The following NOS1AP variants were observed in gnomAD, a reference collection of about 807,000 sequenced individuals.
The protein encoded by NOS1AP is nitric oxide synthase 1 adaptor protein, also known as carboxyl-terminal PDZ ligand of neuronal nitric oxide synthase protein.
Under a neutral mutation model 56.2 loss-of-function variants are expected in NOS1AP, and 21 were observed. The observed-to-expected ratio is 0.37, with a 90% CI of 0.26 to 0.54. The LOEUF (loss-of-function observed/expected upper bound fraction) is 0.54, where lower values mean the gene tolerates loss of function less well. NOS1AP is among the 20% of genes least tolerant of loss of function. NOS1AP has a pLI of 0.84. For synonymous variants in NOS1AP, 270 were observed against 274.6 expected, an observed-to-expected ratio of 0.98 and a Z score of 0.17; for missense variants, 522 against 657.8, an observed-to-expected ratio of 0.79 and a Z score of 2.26.
chr1:162,120,462 A>C (rs1648166034), intron 1 of NOS1AP, among the ~76,000 whole-genome samples: 1 of 152,240 alleles, frequency 6.6e-6, no homozygotes, highest in Non-Finnish European at 1.5e-5. Flanking sequence ...TCTGCTGATA[A>C]AGACATGCCT....
At position 162,365,584 on chromosome 1, in the gene NOS1AP, T is replaced by G. The variant is rs1557895497; in HGVS notation, c.1105+15T>G. Reference sequence around the variant, plus strand: ...ACAGAACGCCAGTAAGCCAGTGCCCTGCCCAGCCCTGCTTCCTCTGTGAAG... The same window carrying G: ...ACAGAACGCCAGTAAGCCAGTGCCCGGCCCAGCCCTGCTTCCTCTGTGAAG... On this transcript the variant is annotated intron_variant, in intron 9 of 9. Coordinates refer to ENST00000361897, the MANE Select transcript of NOS1AP (RefSeq NM_014697.3). 6.2e-7 allele frequency: 1 copy of G among 1,607,208 alleles called. No individual in the cohort carries two copies. Among genetic ancestry groups the G allele is most frequent in the Non-Finnish European group, 8.5e-7 (1 of 1,179,974 alleles).
At chr1:162,289,211 T>C (rs868045306) in intron 3 of NOS1AP, among the ~76,000 whole-genome samples, 453 of 17,702 alleles carry the variant, frequency 0.026, 8 homozygotes, top group Non-Finnish European at 0.04. Context: ...TTCCTTCCTT[T>C]CCTTCCTTCC....
chr1:162,183,621 G>A (rs998688222), intron 2 of NOS1AP, among the ~76,000 whole-genome samples: 5 of 152,200 alleles, frequency 3.3e-5, no homozygotes, highest in African/African-American at 1.2e-4. Context: ...TGCAGCTTCT[G>A]AATCAGCACT....
At chr1:162,133,311 G>C (rs1241940325) in intron 1 of NOS1AP, among the ~76,000 whole-genome samples, 1 of 152,158 alleles carries the variant, frequency 6.6e-6, no homozygotes, top group African/African-American at 2.4e-5. Flanking sequence ...CTTAACAAAT[G>C]TTTTGTCATA....
chr1:162,122,399 A>C (rs761519052), intron 1 of NOS1AP, among the ~76,000 whole-genome samples: 1 of 152,252 alleles, frequency 6.6e-6, no homozygotes, highest in Non-Finnish European at 1.5e-5. Context: ...AACCAAGGTC[A>C]CATTGTGCTA....
chr1:162,273,763 A>G (rs558934473), intron 2 of NOS1AP, among the ~76,000 whole-genome samples: 2 of 152,330 alleles, frequency 1.3e-5, no homozygotes, highest in Admixed American at 6.5e-5. Context: ...CTTCACCCCA[A>G]TCAAGGTAGA....
At chr1:162,261,506 G>GAAGGC (rs770447420) in intron 2 of NOS1AP, among the ~76,000 whole-genome samples, 1 of 18,614 alleles carries the variant, frequency 5.4e-5, no homozygotes, top group Admixed American at 3.9e-4. Context: ...GAGAGAGAGA[G>GAAGGC]AGAGAGAGAG....
rs141010427 is a variant in NOS1AP, at chr1:162,179,845, G to A, written c.177+25369G>A. ...TCCTGCTGGTAGTAGTGACCTATTG[G>A]TAGATTTTTAGCAGAGAATAAATAT... On this transcript the variant is annotated intron_variant, in intron 2 of 9. Coordinates refer to ENST00000361897, the MANE Select transcript of NOS1AP (RefSeq NM_014697.3). Among the ~76,000 whole-genome samples, 337 of 152,278 alleles carry A rather than the reference G, an allele frequency of 2.2e-3. 3 individuals carry two copies. The highest frequency in any genetic ancestry group is 7.6e-3 in the African/African-American group (315 of 41,548).
At chr1:162,115,203 G>A (rs1168279314) in intron 1 of NOS1AP, among the ~76,000 whole-genome samples, 1 of 152,188 alleles carries the variant, frequency 6.6e-6, no homozygotes, top group African/African-American at 2.4e-5. Flanking sequence ...GTGGTAGAGG[G>A]AGAGGAAGGA....
intron 2 of NOS1AP, among the ~76,000 whole-genome samples, chr1:162,269,476 CAGTACT>C (rs1167711166): frequency 6.6e-6 from 1 of 152,060 alleles, no homozygotes; most frequent in African/African-American, 2.4e-5. Context: ...TTTTAAAAAC[CAGTACT>C]TATTTTTGAA....
chr1:162,190,409 C>T (rs561051911), intron 2 of NOS1AP, among the ~76,000 whole-genome samples: 12 of 152,108 alleles, frequency 7.9e-5, no homozygotes, highest in African/African-American at 2.2e-4. Context: ...GGTACATGTG[C>T]ACAATGTGCA....
intron 1 of NOS1AP, among the ~76,000 whole-genome samples, chr1:162,125,709 T>C (rs1648461478): frequency 6.6e-6 from 1 of 152,144 alleles, no homozygotes; most frequent in South Asian, 2.1e-4. Flanking sequence ...ATAATGTGAT[T>C]CCTCCAGATT....
chr1:162,085,063 G>C (rs2102017986), intron 1 of NOS1AP, among the ~76,000 whole-genome samples: 1 of 152,238 alleles, frequency 6.6e-6, no homozygotes, highest in Non-Finnish European at 1.5e-5. Context: ...TTTGGTTAGA[G>C]AGAACAGGCT....
chr1:162,295,286 C>A lies in NOS1AP; in HGVS notation c.271-5347C>A, dbSNP rs142342999. Among the ~76,000 whole-genome samples the A allele has an allele frequency of 5.9e-5, 9 of 152,276 alleles. No individual in the cohort carries two copies. In the East Asian group the frequency reaches 1.7e-3, roughly 29 times the overall value. Reference sequence around the variant, plus strand: ...ACAGCTGATCCTGAACAGTGAGTAGCAAGACTGAAATTTCCCTCACACAGC... The same window carrying A: ...ACAGCTGATCCTGAACAGTGAGTAGAAAGACTGAAATTTCCCTCACACAGC... On this transcript the variant is annotated intron_variant, in intron 3 of 9. Transcript: ENST00000361897.
At chr1:162,184,417 G>A (rs555740140) in intron 2 of NOS1AP, among the ~76,000 whole-genome samples, 8 of 152,198 alleles carry the variant, frequency 5.3e-5, no homozygotes, top group Non-Finnish European at 1.2e-4. Context: ...AGCACTAATA[G>A]ACATGCTTGA....
chr1:162,276,666 C>A (rs1463788382), intron 2 of NOS1AP, among the ~76,000 whole-genome samples: 1 of 152,124 alleles, frequency 6.6e-6, no homozygotes, highest in African/African-American at 2.4e-5. Flanking sequence ...AACCATGGTT[C>A]CACTTTACAA....
intron 9 of NOS1AP, among the ~76,000 whole-genome samples, chr1:162,366,459 T>G (rs1158392544): frequency 1.3e-5 from 2 of 152,182 alleles, no homozygotes; most frequent in African/African-American, 4.8e-5. Context: ...TAGATCTGAT[T>G]GCAAAATTTT....
Position 162,188,319 on chromosome 1 carries a change from C to G in NOS1AP, c.177+33843C>G, listed in dbSNP as rs534750634. ...ACTCAGTATTCTGTTCCACAAACTT[C>G]TGCTTAATGAGATAATTCTTCTCTA... is the stretch of plus-strand genomic sequence containing the variant. On this transcript the variant is annotated intron_variant, in intron 2 of 9. Coordinates refer to ENST00000361897, the MANE Select transcript of NOS1AP (RefSeq NM_014697.3). This position sits in a 1 kb window ranked among gnomAD's most constrained non-coding sequence, Gnocchi z 4.0. Among the ~76,000 whole-genome samples the G allele has an allele frequency of 6.6e-6, 1 of 152,340 alleles. No homozygotes were observed. The highest frequency in any genetic ancestry group is 2.1e-4 in the South Asian group (1 of 4,830).
At chr1:162,180,017 G>A (rs1222236358) in intron 2 of NOS1AP, among the ~76,000 whole-genome samples, 1 of 152,134 alleles carries the variant, frequency 6.6e-6, no homozygotes, top group Non-Finnish European at 1.5e-5. Context: ...GGAATGGAGA[G>A]CCTGGATCTG....
Sources: gnomAD v4.1 joint callset for allele counts (sites outside exome capture counted in the v4.1 genomes callset) on GRCh38, gnomAD v4.1.1 for gene constraint, Gnocchi (gnomAD v3.1) non-coding constraint, MANE v1.5 for transcripts, NCBI Gene and HGNC (gene_info 2026-07-23, HGNC 2026-07-21) for gene names.